Variants in RBFOX1 observed in about 807,000 individuals in gnomAD.
RBFOX1 encodes RNA binding protein fox-1 homolog 1.
Under a neutral mutation model 57.7 loss-of-function variants are expected in RBFOX1, and 8 were observed. The observed-to-expected ratio is 0.14, with a 90% CI of 0.08 to 0.25. The LOEUF is 0.25. Among genes scored for constraint, RBFOX1 ranks in the 10% least tolerant of loss-of-function variants. The probability of loss-of-function intolerance (pLI) is 1.00; values close to 1 mark genes in which losing one functional copy is unlikely to be tolerated. For missense variants in RBFOX1, 611 were observed against 548.5 expected (o/e 1.11, Z -1.14); for synonymous variants, 326 against 222.4 (o/e 1.47, Z -4.15).
intron 3 of RBFOX1, among the ~76,000 whole-genome samples, chr16:5,633,381 G>T (rs148237183): frequency 2.0e-5 from 3 of 152,172 alleles, no homozygotes; most frequent in African/African-American, 7.2e-5. Context: ...TAGGGTTACA[G>T]GTGGTTTTTC....
intron 4 of RBFOX1, among the ~76,000 whole-genome samples, chr16:7,429,184 A>C (rs1199001542): frequency 6.6e-6 from 1 of 152,142 alleles, no homozygotes; most frequent in Non-Finnish European, 1.5e-5. Context: ...AACCAGAGCA[A>C]GTGGAGGGGA....
At chr16:6,537,313 C>T (rs973279517) in intron 2 of RBFOX1, among the ~76,000 whole-genome samples, 20 of 152,060 alleles carry the variant, frequency 1.3e-4, no homozygotes, top group African/African-American at 4.6e-4. Flanking sequence ...TGTATTTGTA[C>T]GTGGATGTCT....
chr16:7,252,610 G>C (rs945278715), intron 4 of RBFOX1, among the ~76,000 whole-genome samples: 1 of 152,040 alleles, frequency 6.6e-6, no homozygotes, highest in Admixed American at 6.5e-5. Context: ...TAAATGTTTT[G>C]GGTGTAGCCT....
Position 7,154,045 on chromosome 16 carries a change from A to G in RBFOX1, c.27+101947A>G, listed in dbSNP as rs907463247. 2.0e-5 allele frequency among the ~76,000 whole-genome samples: 3 copies of G among 152,194 alleles called. No individual in the cohort carries two copies. The East Asian group carries it at 5.8e-4, about 29-fold the overall frequency. On this transcript the variant is annotated intron_variant, in intron 4 of 15. Coordinates refer to ENST00000550418, the MANE Select transcript of RBFOX1 (RefSeq NM_018723.4). ...TATCATAGTTGTTTTTGTTACTAGT[A>G]TTTAGCAACAGATTTGCTTAAATAA...
chr16:5,993,340 CGTGTGTGTGTGTGT>C (rs58189800), intron 4 of RBFOX1, among the ~76,000 whole-genome samples: 3,624 of 132,892 alleles, frequency 0.027, 64 homozygotes, highest in African/African-American at 0.045. Flanking sequence ...TAATGCTGTA[CGTGTGTGTGTGTGT>C]GTGTGTGTGT....
At chr16:6,157,294 A>T (rs1479532305) in intron 1 of RBFOX1, among the ~76,000 whole-genome samples, 1 of 152,166 alleles carries the variant, frequency 6.6e-6, no homozygotes, top group Non-Finnish European at 1.5e-5. Flanking sequence ...GTAAGCCCAG[A>T]AACCATTTGC....
At chr16:6,553,408 G>A (rs1004901986) in intron 2 of RBFOX1, among the ~76,000 whole-genome samples, 4 of 152,202 alleles carry the variant, frequency 2.6e-5, no homozygotes, top group Non-Finnish European at 5.9e-5. Flanking sequence ...TGGATAGAAA[G>A]GAGAATGCTC....
At chr16:5,760,305 C>T (rs1288195902) in intron 3 of RBFOX1, among the ~76,000 whole-genome samples, 1 of 152,036 alleles carries the variant, frequency 6.6e-6, no homozygotes, top group Non-Finnish European at 1.5e-5. Context: ...AATTTCTTCC[C>T]TCAAGGATCT....
intron 2 of RBFOX1, among the ~76,000 whole-genome samples, chr16:6,486,082 CTTTTTTT>C (rs71145234): frequency 0.014 from 858 of 63,002 alleles, 6 homozygotes; most frequent in African/African-American, 0.048. Context: ...CAGTAAAAGG[CTTTTTTT>C]TTTTTTTTTT....
chr16:6,379,298 G>C (rs994086556), intron 2 of RBFOX1, among the ~76,000 whole-genome samples: 3 of 152,124 alleles, frequency 2.0e-5, no homozygotes, highest in Non-Finnish European at 4.4e-5. Context: ...CCCTAGGAGA[G>C]AGGCAGGATA....
chr16:6,504,798 G>A (rs1598413913), intron 2 of RBFOX1, among the ~76,000 whole-genome samples: 1 of 152,144 alleles, frequency 6.6e-6, no homozygotes, highest in Non-Finnish European at 1.5e-5. Flanking sequence ...GCTCACGCCT[G>A]TAATCCCAGC....
intron 1 of RBFOX1, among the ~76,000 whole-genome samples, chr16:6,106,544 T>C (rs939942639): frequency 1.3e-5 from 2 of 151,924 alleles, no homozygotes; most frequent in Non-Finnish European, 2.9e-5. Flanking sequence ...AAAAATGGGT[T>C]GACCTTCAAT....
chr16:7,042,285 G>T (rs1482074115), intron 3 of RBFOX1, among the ~76,000 whole-genome samples: 3 of 152,190 alleles, frequency 2.0e-5, no homozygotes, highest in African/African-American at 7.2e-5. Flanking sequence ...GATTGGGGAG[G>T]AGGGCTAACA....
chr16:7,030,397 C>G (rs552672910), intron 3 of RBFOX1, among the ~76,000 whole-genome samples: 3 of 152,174 alleles, frequency 2.0e-5, no homozygotes, highest in Non-Finnish European at 2.9e-5. Flanking sequence ...TTTATTCATT[C>G]AAGGTTCTGG....
intron 1 of RBFOX1, among the ~76,000 whole-genome samples, chr16:6,314,454 C>T (rs2080820964): frequency 6.6e-6 from 1 of 152,190 alleles, no homozygotes; most frequent in African/African-American, 2.4e-5. Context: ...ATGAAAGTTA[C>T]AGAGAGCACG....
At chr16:5,696,926 T>G (rs2050862576) in intron 3 of RBFOX1, among the ~76,000 whole-genome samples, 1 of 152,170 alleles carries the variant, frequency 6.6e-6, no homozygotes, top group South Asian at 2.1e-4. Flanking sequence ...TTTGTTCTGT[T>G]TTTTGAGACC....
intron 1 of RBFOX1, chr16:6,059,161 C>T (rs1203079009): frequency 1.3e-5 from 2 of 152,156 alleles, no homozygotes; most frequent in African/African-American, 2.4e-5. Flanking sequence ...GTGAATAATT[C>T]ATCTGGACTT....
chr16:5,961,856 G>C (rs1489441258), intron 4 of RBFOX1, among the ~76,000 whole-genome samples: 4 of 152,068 alleles, frequency 2.6e-5, no homozygotes. Flanking sequence ...TCCTTTATCA[G>C]GTATAACTGG....
chr16:6,351,030 T>C (rs551811916), intron 2 of RBFOX1, among the ~76,000 whole-genome samples: 15 of 152,246 alleles, frequency 9.9e-5, no homozygotes, highest in African/African-American at 1.4e-4. Flanking sequence ...TGATATGTCA[T>C]CTTATCCTTT....
Sources: gnomAD v4.1 joint callset for allele counts (sites outside exome capture counted in the v4.1 genomes callset) on GRCh38, gnomAD v4.1.1 for gene constraint, MANE v1.5 for transcripts, NCBI Gene and HGNC (gene_info 2026-07-23, HGNC 2026-07-21) for gene names.